COPG2: variants seen among roughly 807,000 people sequenced by gnomAD.
COPG2 encodes coatomer subunit gamma-2.
A neutral mutation model predicts 46.3 loss-of-function variants in COPG2; 37 were observed. The observed-to-expected ratio is 0.80, with a 90% confidence interval of 0.61 to 1.05. The LOEUF (loss-of-function observed/expected upper bound fraction) is 1.05, where lower values mean the gene tolerates loss of function less well. Ranked by LOEUF, COPG2 falls within the 50% of genes least tolerant of loss-of-function variation. COPG2 has a pLI of 0.00. For synonymous variants in COPG2, 159 were observed against 129.7 expected (o/e 1.23, Z -1.53); for missense variants, 427 against 387.8 (o/e 1.10, Z -0.85).
chr7:130,538,009 G>T (rs1284997144), intron 20 of COPG2, among the ~76,000 whole-genome samples: 1 of 151,948 alleles, frequency 6.6e-6, no homozygotes, highest in East Asian at 1.9e-4. Context: ...AATACAGGAC[G>T]GTTAGGGGTG....
intron 20 of COPG2, among the ~76,000 whole-genome samples, chr7:130,513,308 A>AAATATATAT (rs1236511164): frequency 5.4e-5 from 3 of 55,672 alleles, no homozygotes; most frequent in African/African-American, 1.9e-4. Context: ...AAAAAAAAAA[A>AAATATATAT]ATATATATAT....
chr7:130,540,414 G>GTCA (rs2116369969), intron 20 of COPG2, among the ~76,000 whole-genome samples: 1 of 152,088 alleles, frequency 6.6e-6, no homozygotes, highest in Non-Finnish European at 1.5e-5. Context: ...AAAGGGGTGG[G>GTCA]GATTAAGGAA....
intron 20 of COPG2, among the ~76,000 whole-genome samples, chr7:130,531,805 G>A (rs1799828674): frequency 6.7e-6 from 1 of 150,172 alleles, no homozygotes; most frequent in Non-Finnish European, 1.5e-5. Context: ...GGGAGTCAAG[G>A]TGGCCGTCCA....
intron 20 of COPG2, among the ~76,000 whole-genome samples, chr7:130,513,308 A>ATATATATATATATAT (rs1554441290): frequency 3.6e-5 from 2 of 55,670 alleles, no homozygotes; most frequent in African/African-American, 1.9e-4. Flanking sequence ...AAAAAAAAAA[A>ATATATATATATATAT]ATATATATAT....
At position 130,668,618 on chromosome 7, in the gene COPG2, A is replaced by C; in HGVS notation, c.37+14T>G. 6.6e-7 allele frequency: 1 copy of C among 1,525,000 alleles called. No individual in the cohort carries two copies. The allele number at this position is 1,525,000 out of a possible 1,614,324, so 94.5% of individuals were successfully genotyped here. The stretch of plus-strand genomic sequence containing the variant: ...CCCGCGGCTGAGGGTGGGCCTCGGA[A>C]GCCCCGCGCGTACCAGACTCCTCGT... On this transcript the variant is annotated intron_variant, in intron 1 of 23. Coordinates refer to ENST00000425248, the MANE Select transcript of COPG2 (RefSeq NM_012133.6).
At chr7:130,525,135 G>A (rs1355554742) in intron 20 of COPG2, among the ~76,000 whole-genome samples, 1 of 152,136 alleles carries the variant, frequency 6.6e-6, no homozygotes, top group Non-Finnish European at 1.5e-5. Context: ...CATATGGGAT[G>A]CATGTTGGGT....
intron 9 of COPG2, among the ~76,000 whole-genome samples, chr7:130,590,261 C>G (rs890821266): frequency 6.6e-6 from 1 of 151,912 alleles, no homozygotes; most frequent in Non-Finnish European, 1.5e-5. Context: ...CCTCTCCCCA[C>G]GGTCTCCCTC....
At chr7:130,590,118 C>A (rs983490736) in intron 9 of COPG2, among the ~76,000 whole-genome samples, 1 of 152,004 alleles carries the variant, frequency 6.6e-6, no homozygotes, top group Non-Finnish European at 1.5e-5. Context: ...TAAGCCTTTA[C>A]CCCATCTATA....
intron 5 of COPG2, among the ~76,000 whole-genome samples, chr7:130,646,565 A>G (rs1375817491): frequency 6.6e-6 from 1 of 152,138 alleles, no homozygotes; most frequent in Non-Finnish European, 1.5e-5. Flanking sequence ...TCATGAGTTT[A>G]TATTTTAGTG....
intron 9 of COPG2, among the ~76,000 whole-genome samples, chr7:130,586,153 T>G (rs1794264180): frequency 6.6e-6 from 1 of 152,064 alleles, no homozygotes; most frequent in Non-Finnish European, 1.5e-5. Context: ...AGGAATGAAT[T>G]AATGGCACTC....
At chr7:130,513,779 C>T (rs1799650028) in intron 20 of COPG2, among the ~76,000 whole-genome samples, 1 of 152,078 alleles carries the variant, frequency 6.6e-6, no homozygotes, top group South Asian at 2.1e-4. Context: ...AGACTAAATT[C>T]ATGAGAATGA....
chr7:130,531,845 G>T (rs1799829253), intron 20 of COPG2, among the ~76,000 whole-genome samples: 1 of 151,258 alleles, frequency 6.6e-6, no homozygotes. Context: ...GGATGGGGGG[G>T]TGGGTTTCAC....
Position 130,668,648 on chromosome 7 carries a change from C to G in COPG2, c.21G>C (p.Lys7Asn). The part of the protein sequence containing the change: MIKKFD[K>N]KDEESGSGSN... ...CGCGCGTACCAGACTCCTCGTCCTT[C>G]TTGTCGAATTTTTTAATCATCTTGG... Residue 7 changes from lysine to asparagine, a missense_variant, in exon 1 of 24, where the codon AAG becomes AAC. Coordinates refer to ENST00000425248, the MANE Select transcript of COPG2 (RefSeq NM_012133.6). 2 of 1,543,008 alleles carry G rather than the reference C, an allele frequency of 1.3e-6. No individual in the cohort carries two copies. Among genetic ancestry groups the G allele is most frequent in the Non-Finnish European group, 1.7e-6 (2 of 1,147,022 alleles).
rs375115700 is a variant in COPG2 at position 130,662,993 on chromosome 7, T to C, written c.217A>G (p.Met73Val). The change falls in exon 4 of 24, where the codon ATG becomes GTG. Residue 73 changes from methionine to valine, a missense_variant. Met to Val is a conservative substitution (Grantham distance 21). Coordinates refer to ENST00000425248, the MANE Select transcript of COPG2 (RefSeq NM_012133.6). ...TCATTAGATTGAAACAATCGCGTCA[T>C]TGCAAAGAAGGCTTCTGTAGCTTCC... ...TTEATEAFFA[M>V]TRLFQSNDQT... is the part of the protein sequence containing the mutation. The C allele has an allele frequency of 1.3e-6, 2 of 1,551,108 alleles. No homozygotes were observed. The highest frequency in any genetic ancestry group is 1.7e-6 in the Non-Finnish European group (2 of 1,149,594).
At chr7:130,526,139 A>G (rs1244384806) in intron 20 of COPG2, among the ~76,000 whole-genome samples, 4 of 152,152 alleles carry the variant, frequency 2.6e-5, no homozygotes, top group Non-Finnish European at 5.9e-5. Flanking sequence ...CAGAAAGAAA[A>G]AAGAGGAGAA....
In COPG2 at chr7:130,554,636, T is replaced by G. The variant is rs1461825473; in HGVS notation, c.1313A>C (p.His438Pro). Residue 438 changes from histidine (H) to proline (P), a missense_variant, in exon 14 of 24, where the codon CAC becomes CCC. Transcript: ENST00000425248. ...NPESKEAGLA[H>P]LCEFIEDCEH... ...ACAGTCCTCAATGAATTCACAAAGG[T>G]GGGCTAGGCCTGCTTCTTTACTCTC... is the stretch of plus-strand genomic sequence containing the variant. 1.3e-5 allele frequency: 5 copies of G among 398,478 alleles called. No homozygotes were observed. The highest frequency in any genetic ancestry group is 4.1e-5 in the African/African-American group (2 of 48,624). 24.7% of individuals were successfully genotyped at this position (398,478 alleles called of 1,614,324 possible). A position where few individuals can be genotyped will look rare whatever the true frequency, so the allele number is the denominator to read the frequency against.
intron 20 of COPG2, chr7:130,509,275 C>T (rs781946562): frequency 1.9e-6 from 1 of 514,336 alleles, no homozygotes; most frequent in Admixed American, 2.0e-5. Context: ...TGTATGTTTT[C>T]ACACAAGTGG....
At chr7:130,588,346 C>T (rs1454012122) in intron 9 of COPG2, among the ~76,000 whole-genome samples, 5 of 151,660 alleles carry the variant, frequency 3.3e-5, no homozygotes, top group South Asian at 2.1e-4. Flanking sequence ...CACATGCACA[C>T]GTATGTTTAT....
chr7:130,636,811 A>G (rs1269614980), intron 5 of COPG2, among the ~76,000 whole-genome samples: 4 of 152,118 alleles, frequency 2.6e-5, no homozygotes, highest in African/African-American at 9.7e-5. Flanking sequence ...CAGTTTCTTC[A>G]TAGTGTCAAT....
Sources: gnomAD v4.1 joint callset for allele counts (sites outside exome capture counted in the v4.1 genomes callset) on GRCh38, gnomAD v4.1.1 for gene constraint, MANE v1.5 for transcripts, NCBI Gene and HGNC (gene_info 2026-07-23, HGNC 2026-07-21) for gene names.